Variants in SLC5A1 observed in about 807,000 individuals in gnomAD.
SLC5A1 encodes sodium/glucose cotransporter 1.
Under a neutral mutation model 73.5 loss-of-function variants are expected in SLC5A1, and 42 were observed. That is an observed-to-expected ratio of 0.57 (90% confidence interval 0.45 to 0.74). The LOEUF is 0.74. SLC5A1 is among the 30% of genes least tolerant of loss of function. The probability of loss-of-function intolerance (pLI) is 0.00; values close to 1 mark genes in which losing one functional copy is unlikely to be tolerated. For synonymous variants in SLC5A1, 300 were observed against 317.4 expected (o/e 0.95, Z 0.58); for missense variants, 634 against 855.4 (o/e 0.74, Z 3.23).
At chr22:32,074,438 G>C (rs1221099011) in intron 5 of SLC5A1, among the ~76,000 whole-genome samples, 1 of 152,118 alleles carries the variant, frequency 6.6e-6, no homozygotes, top group Non-Finnish European at 1.5e-5. Context: ...TATGTGTTGT[G>C]TGCTGCTCCC....
chr22:32,083,901 G>A (rs1056005356), intron 7 of SLC5A1, among the ~76,000 whole-genome samples: 7 of 152,210 alleles, frequency 4.6e-5, no homozygotes, highest in Non-Finnish European at 1.0e-4. Flanking sequence ...GCAGTGGAAT[G>A]ACTTATTCAA....
At chr22:32,069,837 T>G (rs139093997) in intron 5 of SLC5A1, among the ~76,000 whole-genome samples, 57 of 152,280 alleles carry the variant, frequency 3.7e-4, no homozygotes, top group Non-Finnish European at 7.4e-4. Flanking sequence ...ACTGCTGAGA[T>G]TCTGTCTTCT....
At chr22:32,094,025 T>C (rs2094022447) in intron 11 of SLC5A1, among the ~76,000 whole-genome samples, 1 of 152,008 alleles carries the variant, frequency 6.6e-6, no homozygotes, top group South Asian at 2.1e-4. Context: ...TTTATGCCAA[T>C]TTTGCTGAGT....
In SLC5A1 at chr22:32,083,058, C is replaced by T; in HGVS notation, c.584-16C>T. Reference sequence around the variant, plus strand: ...CTCCACACGAGGTCAGATGTGTTGTCTTCTTGCCTGCTTAGGGGGCCTGGC... The same window carrying T: ...CTCCACACGAGGTCAGATGTGTTGTTTTCTTGCCTGCTTAGGGGGCCTGGC... On this transcript the variant is annotated splice_polypyrimidine_tract_variant and intron_variant, in intron 6 of 14. Transcript: ENST00000266088. 1 of 1,613,692 alleles carries T rather than the reference C, an allele frequency of 6.2e-7. No homozygotes were observed. Among genetic ancestry groups the T allele is most frequent in the Non-Finnish European group, 8.5e-7 (1 of 1,179,578 alleles).
At chr22:32,049,489 C>G (rs1440152169) in intron 1 of SLC5A1, among the ~76,000 whole-genome samples, 1 of 143,792 alleles carries the variant, frequency 7.0e-6, no homozygotes, top group Non-Finnish European at 1.5e-5. Flanking sequence ...AAATGATTCT[C>G]CCACCTCAGC....
At chr22:32,081,670 AGTT>A (rs1309294775) in intron 5 of SLC5A1, among the ~76,000 whole-genome samples, 193 bp from the exon 6 acceptor site, 1 of 152,214 alleles carries the variant, frequency 6.6e-6, no homozygotes, top group Non-Finnish European at 1.5e-5. Flanking sequence ...GGCTCAGAAA[AGTT>A]GTGTGGCAAA....
chr22:32,096,596 C>G (rs934284008), intron 11 of SLC5A1, among the ~76,000 whole-genome samples: 2 of 152,216 alleles, frequency 1.3e-5, no homozygotes, highest in African/African-American at 4.8e-5. Flanking sequence ...GTGCACATTT[C>G]TTGTTGTCAA....
chr22:32,105,823 G>T (rs1242839337), intron 14 of SLC5A1, among the ~76,000 whole-genome samples: 3 of 152,064 alleles, frequency 2.0e-5, no homozygotes, highest in Non-Finnish European at 4.4e-5. Flanking sequence ...ACAAATAAGT[G>T]AGAACATGAG....
At chr22:32,102,382 A>C in intron 13 of SLC5A1, 145 bp downstream of exon 13, 1 of 686,192 alleles carries the variant, frequency 1.5e-6, no homozygotes, top group Non-Finnish European at 2.6e-6. Context: ...CAGGCATACA[A>C]TATAAAATAA....
intron 2 of SLC5A1, among the ~76,000 whole-genome samples, chr22:32,059,014 T>A (rs1047226145): frequency 2.0e-5 from 3 of 152,208 alleles, no homozygotes; most frequent in African/African-American, 7.2e-5. Flanking sequence ...CATTCAAAGA[T>A]TTGATATCAC....
intron 2 of SLC5A1, among the ~76,000 whole-genome samples, chr22:32,058,105 TAC>T (rs144850068): frequency 5.3e-5 from 8 of 150,328 alleles, no homozygotes; most frequent in East Asian, 1.9e-4. Flanking sequence ...TATACACAGG[TAC>T]ACACACACAC....
intron 2 of SLC5A1, among the ~76,000 whole-genome samples, chr22:32,052,842 TC>T (rs912461053): frequency 1.2e-4 from 19 of 152,080 alleles, no homozygotes; most frequent in African/African-American, 4.3e-4. Context: ...CTCATGCTGG[TC>T]CCCCTTAGTG....
intron 14 of SLC5A1, among the ~76,000 whole-genome samples, chr22:32,106,923 G>A (rs1184902932): frequency 6.6e-6 from 1 of 152,150 alleles, no homozygotes; most frequent in African/African-American, 2.4e-5. Flanking sequence ...CTGGCCATCA[G>A]GAACATCATA....
At chr22:32,056,064 T>C (rs1164736559) in intron 2 of SLC5A1, among the ~76,000 whole-genome samples, 1 of 152,180 alleles carries the variant, frequency 6.6e-6, no homozygotes, top group Non-Finnish European at 1.5e-5. Flanking sequence ...ACAGTCTTGC[T>C]CTGTGGGAGT....
chr22:32,065,774 G>A (rs1201534853), intron 2 of SLC5A1, among the ~76,000 whole-genome samples: 1 of 152,178 alleles, frequency 6.6e-6, no homozygotes, highest in Admixed American at 6.5e-5. Flanking sequence ...CCTCTCCCCT[G>A]ACTTAATATT....
rs927895146 is a variant in SLC5A1 at position 32,043,428 on chromosome 22, G to T, written c.135+12G>T. On this transcript the variant is annotated intron_variant, in intron 1 of 14. Transcript: ENST00000266088. The surrounding 1 kb of genome is among the most constrained non-coding windows in gnomAD (Gnocchi z 6.5). ...CCGTCGGACTGTGGGTATGCAGCGG[G>T]TTCTGGGATGCGGGTGGGGAGGGTG... 5 of 1,613,424 alleles carry T rather than the reference G, an allele frequency of 3.1e-6. No individual in the cohort carries two copies. Among genetic ancestry groups the T allele is most frequent in the Non-Finnish European group, 4.2e-6 (5 of 1,179,812 alleles).
At chr22:32,082,138 G>C (rs16989842) in intron 6 of SLC5A1, among the ~76,000 whole-genome samples, 167 bp downstream of exon 6, 1,967 of 152,284 alleles carry the variant, frequency 0.013, 44 homozygotes, top group African/African-American at 0.044. Context: ...GACCCTCCAA[G>C]TTATACAAGT....
In SLC5A1 at chr22:32,078,954, C is replaced by CAAAAAAAAAA. The variant is rs6147589; in HGVS notation, c.478-2891_478-2882dup. ...TGGCGAAAGAGCAAGACTCTGTCTCCAAAAAAAAAAAAAAAAAAAAAAAAA... is the reference window on the plus strand; with the variant it reads ...TGGCGAAAGAGCAAGACTCTGTCTCCAAAAAAAAAAAAAAAAAAAAAAAAAAAAAAAAAAA... On this transcript the variant is annotated intron_variant, in intron 5 of 14. Transcript: ENST00000266088. Among the ~76,000 whole-genome samples the CAAAAAAAAAA allele has an allele frequency of 4.6e-5, 5 of 109,104 alleles. 1 individual carries two copies. Among genetic ancestry groups the CAAAAAAAAAA allele is most frequent in the African/African-American group, 1.8e-4 (4 of 22,730 alleles). The allele number at this position is 109,104 out of a possible 152,430, so 71.6% of individuals were successfully genotyped here.
At chr22:32,074,959 T>C (rs2093988493) in intron 5 of SLC5A1, among the ~76,000 whole-genome samples, 2 of 152,022 alleles carry the variant, frequency 1.3e-5, no homozygotes, top group East Asian at 1.9e-4. Flanking sequence ...TGTAGTGGCA[T>C]GATCATGGGT....
Sources: allele counts gnomAD v4.1 joint callset (sites outside exome capture counted in the v4.1 genomes callset), GRCh38; gene constraint gnomAD v4.1.1; non-coding constraint Gnocchi (gnomAD v3.1); transcripts MANE v1.5; gene names NCBI Gene and HGNC (gene_info 2026-07-23, HGNC 2026-07-21).